The following USP11 variants were observed in gnomAD, a reference collection of about 807,000 sequenced individuals.
The protein encoded by USP11 is ubiquitin specific peptidase 11.
Under a neutral mutation model 72.8 loss-of-function variants are expected in USP11, and 5 were observed. The ratio of observed to expected loss-of-function variants is 0.07; its 90% CI spans 0.04 to 0.14. The LOEUF is 0.14. Ranked by LOEUF, USP11 falls within the 10% of genes least tolerant of loss-of-function variation. The probability of loss-of-function intolerance (pLI) is 1.00; values close to 1 mark genes in which losing one functional copy is unlikely to be tolerated. For missense variants in USP11, 480 were observed against 794.7 expected (o/e 0.60, Z 4.76); for synonymous variants, 368 against 326.5 (o/e 1.13, Z -1.37).
In USP11 at chrX:47,240,654, C is replaced by T; in HGVS notation, c.743+6C>T. ...AGCGCACAGCTGCATGTCATGTGAGCCCTTGGGGTATCTGGTCCAGAGCGG... is the reference window on the plus strand; with the variant it reads ...AGCGCACAGCTGCATGTCATGTGAGTCCTTGGGGTATCTGGTCCAGAGCGG... On this transcript the variant is annotated splice_donor_region_variant and intron_variant, in intron 6 of 20. Transcript: ENST00000377107. The T allele has an allele frequency of 8.3e-7, 1 of 1,212,025 alleles. No individual in the cohort carries two copies. The highest frequency in any genetic ancestry group is 1.1e-6 in the Non-Finnish European group (1 of 895,510).
Position 47,238,996 on chromosome X carries a change from T to C in USP11, c.177-74T>C, listed in dbSNP as rs2055388812. The C allele has an allele frequency of 4.4e-6, 3 of 675,499 alleles. No homozygotes were observed. The South Asian group carries it at 7.6e-5, about 17-fold the overall frequency. 55.7% of individuals were successfully genotyped at this position (675,499 alleles called of 1,213,427 possible). On this transcript the variant is annotated intron_variant, in intron 1 of 20. Coordinates refer to ENST00000377107, the MANE Select transcript of USP11 (RefSeq NM_001371072.1). ...TTATAATGTGTCAATACTTTCAGTC[T>C]GTTGGGCATGGGAAGTTGTATAGCT...
In USP11 at chrX:47,248,170, C is replaced by T. The variant is rs902678363; in HGVS notation, c.*240C>T. ...GCCCTTCCAGCAGTGACCCTCCCTT[C>T]TAGTCTTTATTTATGGTCGTGCCCT... On this transcript the variant is annotated 3_prime_UTR_variant, in exon 21 of 21. Transcript: ENST00000377107. 1 of 416,680 alleles carries T rather than the reference C, an allele frequency of 2.4e-6. No individual in the cohort carries two copies. Among genetic ancestry groups the T allele is most frequent in the Middle Eastern group, 6.8e-4 (1 of 1,465 alleles). 34.3% of individuals were successfully genotyped at this position (416,680 alleles called of 1,213,427 possible).
intron 7 of USP11, 100 bp from the exon 8 acceptor site, chrX:47,241,177 T>C (rs1359320927): frequency 7.6e-6 from 7 of 924,878 alleles, no homozygotes; most frequent in South Asian, 2.5e-5. Flanking sequence ...CCTTCTCTCT[T>C]GTTTTCCTCT....
At chrX:47,245,823 C>T (rs1378816081) in intron 17 of USP11, among the ~76,000 whole-genome samples, 6 of 111,505 alleles carry the variant, frequency 5.4e-5, no homozygotes, top group African/African-American at 1.6e-4. Context: ...GGATTACAGG[C>T]GTGAGCCACC....
intron 1 of USP11, chrX:47,233,713 A>T: frequency 6.8e-4 from 99 of 145,615 alleles, no homozygotes; most frequent in Non-Finnish European, 1.0e-3. Context: ...TCCGTGGGGG[A>T]GGGGGGAGGA....
rs1209145748 is a variant in USP11, at chrX:47,240,809, A to G, written c.779A>G (p.Lys260Arg). Residue 260 changes from lysine to arginine, a missense_variant, in exon 7 of 21, where the codon AAG becomes AGG. Lys to Arg is a conservative substitution (Grantham distance 26). This residue lies in a region of USP11 where 80 missense variants were observed against 100.9 expected (regional missense o/e 0.79). Coordinates refer to ENST00000377107, the MANE Select transcript of USP11 (RefSeq NM_001371072.1). ...NNMSEEDEDF[K>R]GQPGICGLTN... ...ATGTCGGAAGAGGATGAGGACTTCAAGGGTCAGCCAGGCATCTGTGGCCTC... is the reference window on the plus strand; with the variant it reads ...ATGTCGGAAGAGGATGAGGACTTCAGGGGTCAGCCAGGCATCTGTGGCCTC... 7.4e-6 allele frequency: 9 copies of G among 1,211,829 alleles called. No individual in the cohort carries two copies. The South Asian group carries it at 8.8e-5, about 12-fold the overall frequency.
At chrX:47,240,948 C>CT in intron 7 of USP11, 72 bp downstream of exon 7, 1 of 1,050,739 alleles carries the variant, frequency 9.5e-7, no homozygotes, top group Non-Finnish European at 1.3e-6. Context: ...GGGGACAGAG[C>CT]TGGGGTCCTG....
chrX:47,235,514 G>T (rs1392573787), intron 1 of USP11, among the ~76,000 whole-genome samples: 2 of 110,815 alleles, frequency 1.8e-5, no homozygotes, highest in African/African-American at 6.6e-5. Context: ...TTGCAGCGTA[G>T]ATGCTAAAAT....
chrX:47,243,578 A>G lies in USP11; in HGVS notation c.1766A>G (p.Tyr589Cys). The G allele has an allele frequency of 8.3e-7, 1 of 1,211,809 alleles. No individual in the cohort carries two copies. The highest frequency in any genetic ancestry group is 1.1e-6 in the Non-Finnish European group (1 of 895,504). Residue 589 changes from tyrosine (Y) to cysteine (C), a missense_variant, in exon 13 of 21, where the codon TAT (tyrosine) becomes TGT (cysteine). Physicochemically the swap from Tyr to Cys is radical, Grantham distance 194. Around this residue, in one of 5 missense-constraint regions of USP11, gnomAD observed 314 missense variants for 556.0 expected, o/e 0.56. Coordinates refer to ENST00000377107, the MANE Select transcript of USP11 (RefSeq NM_001371072.1). Reference protein sequence around the residue: ...PRDRFTWEGLYNVLMYRLSRY... With the variant: ...PRDRFTWEGLCNVLMYRLSRY... The stretch of plus-strand genomic sequence containing the variant: ...GACCGCTTCACCTGGGAGGGCCTGT[A>G]TAACGTCCTGATGTACCGGCTCTCG...
rs1358629004 is a variant in USP11 at position 47,242,300 on chromosome X, A to G, written c.1398A>G (p.Pro466=). 3 of 1,211,754 alleles carry G rather than the reference A, an allele frequency of 2.5e-6. No homozygotes were observed. Among genetic ancestry groups the G allele is most frequent in the Non-Finnish European group, 3.4e-6 (3 of 895,287 alleles). ...TCCCCATGGATCCGCGCCGCAAGCC[A>G]GAGCAGGTGTGGGGCAGTGGGGGCC... The part of the protein sequence containing the change: ...FFIPMDPRRK[P]EQHRLVVPKK... Residue 466 remains proline (P), a synonymous_variant, in exon 10 of 21, where the codon CCA becomes CCG. Transcript: ENST00000377107.
intron 1 of USP11, among the ~76,000 whole-genome samples, chrX:47,235,940 T>C (rs1210606134): frequency 1.8e-5 from 2 of 112,099 alleles, no homozygotes; most frequent in Non-Finnish European, 3.8e-5. Flanking sequence ...CCTTGCCTCT[T>C]CCTACCTTTG....
Position 47,243,264 on chromosome X carries a change from A to AAAAT in USP11, c.1584-112_1584-109dup, listed in dbSNP as rs111628510. ...GGCAACAGAGCGAGACTCCGTCTCA[A>AAAAT]AAATAAATAAATAAATAAATAAAAA... On this transcript the variant is annotated intron_variant, in intron 12 of 20. Transcript: ENST00000377107. 11,544 of 655,935 alleles carry AAAAT rather than the reference A, an allele frequency of 0.018. 1,142 individuals carry two copies. The African/African-American group carries it at 0.25, about 14-fold the overall frequency. The allele number at this position is 655,935 out of a possible 1,213,427, so 54.1% of individuals were successfully genotyped here.
intron 1 of USP11, among the ~76,000 whole-genome samples, chrX:47,237,775 G>GGTGTGTGTGT (rs1428419266): frequency 3.7e-4 from 37 of 99,203 alleles, no homozygotes; most frequent in African/African-American, 1.5e-3. Context: ...CAGCAGAACA[G>GGTGTGTGTGT]GTGTGTGTGT....
chrX:47,245,477 C>T lies in USP11; in HGVS notation c.2265C>T (p.Asn755=), dbSNP rs752803321. 4.2e-6 allele frequency: 5 copies of T among 1,196,288 alleles called. No individual in the cohort carries two copies. The highest frequency in any genetic ancestry group is 5.7e-6 in the Non-Finnish European group (5 of 881,548). Reference sequence around the variant, plus strand: ...CTGTGGAGACCCTGGAGAAGGAAAACCCCTGGTGAGGGGCCAGAGCGGGGC... The same window carrying T: ...CTGTGGAGACCCTGGAGAAGGAAAATCCCTGGTGAGGGGCCAGAGCGGGGC... ...FTTVETLEKE[N]PWYCPSCKQH... Residue 755 remains asparagine, a synonymous_variant, in exon 17 of 21, where the codon AAC becomes AAT. Coordinates refer to ENST00000377107, the MANE Select transcript of USP11 (RefSeq NM_001371072.1).
intron 13 of USP11, among the ~76,000 whole-genome samples, chrX:47,243,851 C>T (rs1207320918): frequency 1.8e-5 from 2 of 111,982 alleles, no homozygotes; most frequent in Non-Finnish European, 3.8e-5. Flanking sequence ...CTTCAGTTGT[C>T]TCTCCTGGAG....
At chrX:47,241,124 C>A in intron 7 of USP11, 153 bp from the exon 8 acceptor site, 1 of 614,768 alleles carries the variant, frequency 1.6e-6, no homozygotes. Flanking sequence ...AATCCTAATG[C>A]CTTCTCTCCC....
rs2089510435 is a variant in USP11 at position 47,248,124 on chromosome X, G to C, written c.*194G>C. 1.7e-6 allele frequency: 1 copy of C among 579,287 alleles called. No individual in the cohort carries two copies. Among genetic ancestry groups the C allele is most frequent in the South Asian group, 3.6e-5 (1 of 27,984 alleles). 47.7% of individuals were successfully genotyped at this position (579,287 alleles called of 1,213,427 possible). On this transcript the variant is annotated 3_prime_UTR_variant, in exon 21 of 21. Transcript: ENST00000377107. Reference sequence around the variant, plus strand: ...GAACAGGTCGTGTCTCCTCCTAGCAGTGCGCGCCCCGCCTGTGTTTGCCCT... The same window carrying C: ...GAACAGGTCGTGTCTCCTCCTAGCACTGCGCGCCCCGCCTGTGTTTGCCCT...
chrX:47,240,725 C>T (rs1398887678), intron 6 of USP11, 49 bp from the exon 7 acceptor site: 15 of 1,201,031 alleles, frequency 1.2e-5, no homozygotes, highest in Non-Finnish European at 1.7e-5. Flanking sequence ...GAGCACATTG[C>T]ACCCCCATGC....
intron 3 of USP11, 142 bp from the exon 4 acceptor site, chrX:47,239,648 G>A: frequency 4.1e-6 from 4 of 974,874 alleles, no homozygotes; most frequent in Non-Finnish European, 5.7e-6. Context: ...GTGTTCCCCT[G>A]TGTGGCTCTC....
Sources: gnomAD v4.1 joint callset for allele counts (sites outside exome capture counted in the v4.1 genomes callset) on GRCh38, gnomAD v4.1.1 for gene constraint, gnomAD v4.1.1 regional missense constraint, MANE v1.5 for transcripts, NCBI Gene and HGNC (gene_info 2026-07-23, HGNC 2026-07-21) for gene names.